Variants in CSMD1 observed in about 807,000 individuals in gnomAD.
CSMD1 encodes CUB and Sushi multiple domains 1.
A neutral mutation model predicts 417.5 loss-of-function variants in CSMD1; 213 were observed. The observed-to-expected ratio is 0.51, with a 90% CI of 0.46 to 0.57. The LOEUF is 0.57. Ranked by LOEUF, CSMD1 falls within the 20% of genes least tolerant of loss-of-function variation. The pLI, the probability that CSMD1 is intolerant of heterozygous loss-of-function variation, is 0.00. For synonymous variants in CSMD1, 2,862 were observed against 1,736.8 expected (o/e 1.65, Z -16.11); for missense variants, 6,923 against 4,529.7 (o/e 1.53, Z -15.17).
At chr8:3,543,184 T>C (rs1798515994) in intron 10 of CSMD1, among the ~76,000 whole-genome samples, 1 of 152,186 alleles carries the variant, frequency 6.6e-6, no homozygotes, top group Non-Finnish European at 1.5e-5. Context: ...GCATGCTTGA[T>C]GCTTTTGAGA....
At chr8:3,039,359 C>CTTCTTCTCTCCCTCCCT (rs1810922237) in intron 50 of CSMD1, among the ~76,000 whole-genome samples, 1 of 146,562 alleles carries the variant, frequency 6.8e-6, no homozygotes. Flanking sequence ...TCCTTCCTTC[C>CTTCTTCTCTCCCTCCCT]TCCTTTACTT....
intron 3 of CSMD1, among the ~76,000 whole-genome samples, chr8:4,052,301 C>T (rs570955661): frequency 2.8e-4 from 43 of 152,266 alleles, no homozygotes; most frequent in African/African-American, 9.9e-4. Context: ...TAGAGAAGAA[C>T]GCTGACATTT....
chr8:3,495,185 C>G (rs1463130288), intron 10 of CSMD1, among the ~76,000 whole-genome samples: 2 of 152,152 alleles, frequency 1.3e-5, no homozygotes, highest in African/African-American at 4.8e-5. Context: ...TTAAACGTAG[C>G]ACCTGATATT....
At chr8:4,372,869 A>G (rs901586350) in intron 3 of CSMD1, among the ~76,000 whole-genome samples, 1 of 152,236 alleles carries the variant, frequency 6.6e-6, no homozygotes, top group Admixed American at 6.5e-5. Flanking sequence ...AATTATTTAC[A>G]TGGAAATATA....
intron 2 of CSMD1, among the ~76,000 whole-genome samples, chr8:4,499,951 T>A (rs1160446071): frequency 6.6e-6 from 1 of 152,074 alleles, no homozygotes; most frequent in Non-Finnish European, 1.5e-5. Context: ...GTAGTATGCA[T>A]GGAAAGAAAA....
chr8:3,873,208 T>C (rs1805598600), intron 5 of CSMD1, among the ~76,000 whole-genome samples: 1 of 152,154 alleles, frequency 6.6e-6, no homozygotes, highest in African/African-American at 2.4e-5. Context: ...ACTGGCTATG[T>C]AGCCAAAGGA....
At chr8:4,120,315 T>G (rs931660454) in intron 3 of CSMD1, among the ~76,000 whole-genome samples, 2 of 152,236 alleles carry the variant, frequency 1.3e-5, no homozygotes, top group African/African-American at 4.8e-5. Flanking sequence ...GTTATTTCAA[T>G]TTTATTGATT....
intron 1 of CSMD1, among the ~76,000 whole-genome samples, chr8:4,738,592 A>T (rs1442591649): frequency 1.3e-5 from 2 of 152,120 alleles, no homozygotes; most frequent in Admixed American, 6.6e-5. Context: ...ACAAAGCCTA[A>T]CTATATCACC....
At chr8:4,232,376 C>G (rs959381651) in intron 3 of CSMD1, among the ~76,000 whole-genome samples, 1 of 151,928 alleles carries the variant, frequency 6.6e-6, no homozygotes, top group Non-Finnish European at 1.5e-5. Flanking sequence ...TTTTTGTATT[C>G]TTAGTAGAGA....
At chr8:3,528,506 G>C (rs1797845719) in intron 10 of CSMD1, among the ~76,000 whole-genome samples, 1 of 152,172 alleles carries the variant, frequency 6.6e-6, no homozygotes, top group Non-Finnish European at 1.5e-5. Flanking sequence ...TAGGAACCCT[G>C]TGGGCTCTTC....
At chr8:3,440,028 C>A (rs1485661306) in intron 12 of CSMD1, among the ~76,000 whole-genome samples, 1 of 152,192 alleles carries the variant, frequency 6.6e-6, no homozygotes, top group African/African-American at 2.4e-5. Flanking sequence ...TGCCCTTCCA[C>A]CAACACCACA....
intron 11 of CSMD1, among the ~76,000 whole-genome samples, chr8:3,472,380 G>T (rs559948247): frequency 6.6e-6 from 1 of 151,958 alleles, no homozygotes; most frequent in African/African-American, 2.4e-5. Context: ...CTCTACTAAT[G>T]ATTTTGTCAC....
intron 3 of CSMD1, among the ~76,000 whole-genome samples, chr8:4,238,192 C>G (rs895400441): frequency 1.3e-5 from 2 of 152,164 alleles, no homozygotes; most frequent in Non-Finnish European, 1.5e-5. Context: ...CCAAGTACGT[C>G]GATATTAACA....
intron 2 of CSMD1, among the ~76,000 whole-genome samples, chr8:4,432,611 C>G (rs945759530): frequency 9.9e-5 from 15 of 152,186 alleles, no homozygotes; most frequent in South Asian, 4.1e-4. Flanking sequence ...GGTGAGGAAA[C>G]GAAGCCTCAG....
chr8:3,713,138 G>A (rs11996821), intron 6 of CSMD1, among the ~76,000 whole-genome samples: 4,750 of 152,152 alleles, frequency 0.031, 230 homozygotes, highest in African/African-American at 0.11. Context: ...AATATTTTTA[G>A]TTTAAGGGCT....
chr8:4,780,661 C>T (rs1181838275), intron 1 of CSMD1, among the ~76,000 whole-genome samples: 11 of 152,062 alleles, frequency 7.2e-5, no homozygotes, highest in African/African-American at 2.7e-4. Context: ...TCCTGGTGCA[C>T]CCATCACCCG....
At chr8:4,290,927 A>C (rs10282904) in intron 3 of CSMD1, among the ~76,000 whole-genome samples, 4 of 152,020 alleles carry the variant, frequency 2.6e-5, no homozygotes, top group African/African-American at 7.2e-5. Context: ...CTTCAACTCA[A>C]CTGCTTTAAT....
intron 49 of CSMD1, among the ~76,000 whole-genome samples, chr8:3,061,525 C>T (rs944799098): frequency 1.4e-4 from 21 of 152,170 alleles, no homozygotes; most frequent in African/African-American, 4.6e-4. Context: ...CGAGCAAACA[C>T]TGGGAGACGT....
chr8:4,882,759 T>A lies in CSMD1; in HGVS notation c.85+111573A>T, dbSNP rs184886376. 7.4e-3 allele frequency among the ~76,000 whole-genome samples: 1,118 copies of A among 151,714 alleles called. 9 individuals carry two copies. The highest frequency in any genetic ancestry group is 0.01 in the Non-Finnish European group (703 of 67,916). ...TTATAATATTATAATAATTATCTTT[T>A]AAAAAAAACAGAATGCCTTACACTG... is the stretch of plus-strand genomic sequence containing the variant. On this transcript the variant is annotated intron_variant, in intron 1 of 69. Coordinates refer to ENST00000635120, the MANE Select transcript of CSMD1 (RefSeq NM_033225.6).
Sources: allele counts gnomAD v4.1 joint callset (sites outside exome capture counted in the v4.1 genomes callset), GRCh38; gene constraint gnomAD v4.1.1; transcripts MANE v1.5; gene names NCBI Gene and HGNC (gene_info 2026-07-23, HGNC 2026-07-21).